Variants in THSD4 observed in about 807,000 individuals in gnomAD.
The protein encoded by THSD4 is thrombospondin type 1 domain containing 4.
Under a neutral mutation model 119.0 loss-of-function variants are expected in THSD4, and 69 were observed. That is an observed-to-expected ratio of 0.58 (90% confidence interval 0.48 to 0.71). The LOEUF is 0.71. Among genes scored for constraint, THSD4 ranks in the 30% least tolerant of loss-of-function variants. The pLI, the probability that THSD4 is intolerant of heterozygous loss-of-function variation, is 0.00. For synonymous variants in THSD4, 524 were observed against 540.4 expected, an observed-to-expected ratio of 0.97 and a Z score of 0.42; for missense variants, 1,393 against 1,391.1, an observed-to-expected ratio of 1.00 and a Z score of -0.02.
intron 3 of THSD4, among the ~76,000 whole-genome samples, chr15:71,196,659 C>T (rs2043722171): frequency 6.6e-6 from 1 of 152,066 alleles, no homozygotes; most frequent in South Asian, 2.1e-4. Context: ...ATGTGGCAAT[C>T]AAGATGGTGG....
chr15:71,288,989 A>G (rs1122853), intron 6 of THSD4, among the ~76,000 whole-genome samples: 24 of 152,292 alleles, frequency 1.6e-4, no homozygotes, highest in South Asian at 4.1e-4. Context: ...AATCAACTCT[A>G]TCTTTTAGGA....
chr15:71,355,037 AG>A (rs2045790547), intron 6 of THSD4, among the ~76,000 whole-genome samples: 1 of 152,224 alleles, frequency 6.6e-6, no homozygotes, highest in Non-Finnish European at 1.5e-5. Context: ...TTAACATGGA[AG>A]CATTACAAAT....
intron 7 of THSD4, among the ~76,000 whole-genome samples, chr15:71,425,645 C>T (rs949290165): frequency 2.0e-5 from 3 of 152,156 alleles, no homozygotes; most frequent in African/African-American, 7.2e-5. Flanking sequence ...TGTGCTGTCC[C>T]GTCAGTCTGG....
chr15:71,551,699 A>G (rs1020713269), intron 7 of THSD4, among the ~76,000 whole-genome samples: 4 of 152,092 alleles, frequency 2.6e-5, no homozygotes, highest in African/African-American at 7.2e-5. Flanking sequence ...TCCCCTAGCA[A>G]TGGGTTATGA....
chr15:71,366,816 G>T (rs979423829), intron 6 of THSD4, among the ~76,000 whole-genome samples: 1 of 152,140 alleles, frequency 6.6e-6, no homozygotes, highest in African/African-American at 2.4e-5. Context: ...ATTTCCAGGT[G>T]GGAATTAGAC....
chr15:71,098,711 T>G (rs1187575950), intron 1 of THSD4, among the ~76,000 whole-genome samples: 2 of 152,240 alleles, frequency 1.3e-5, no homozygotes, highest in Non-Finnish European at 2.9e-5. Flanking sequence ...ACACCTGGAC[T>G]GATATATAAT....
intron 3 of THSD4, among the ~76,000 whole-genome samples, chr15:71,159,136 A>G (rs553537140): frequency 6.6e-6 from 1 of 151,972 alleles, no homozygotes; most frequent in African/African-American, 2.4e-5. Context: ...TGATGTTTGA[A>G]TTTATTTCTG....
intron 1 of THSD4, among the ~76,000 whole-genome samples, chr15:71,098,365 T>A (rs1202962423): frequency 6.6e-6 from 1 of 151,506 alleles, no homozygotes; most frequent in South Asian, 2.1e-4. Flanking sequence ...CCCAGCTAGG[T>A]TTTTTGTATT....
At chr15:71,198,349 G>A (rs2043737974) in intron 3 of THSD4, among the ~76,000 whole-genome samples, 1 of 152,258 alleles carries the variant, frequency 6.6e-6, no homozygotes, top group African/African-American at 2.4e-5. Flanking sequence ...TGTGGTTCCT[G>A]AGGCTGGCAC....
chr15:71,656,379 A>G (rs1227755683), intron 7 of THSD4, among the ~76,000 whole-genome samples: 1 of 152,234 alleles, frequency 6.6e-6, no homozygotes, highest in Non-Finnish European at 1.5e-5. Context: ...TTCAAAATAA[A>G]ACATTATAAC....
At chr15:71,422,473 T>C (rs1418209654) in intron 7 of THSD4, among the ~76,000 whole-genome samples, 1 of 152,180 alleles carries the variant, frequency 6.6e-6, no homozygotes, top group Non-Finnish European at 1.5e-5. Flanking sequence ...TTAATATAAG[T>C]TCCAGAAGGA....
At chr15:71,631,387 C>T (rs1292562793) in intron 7 of THSD4, among the ~76,000 whole-genome samples, 7 of 152,180 alleles carry the variant, frequency 4.6e-5, no homozygotes, top group Non-Finnish European at 8.8e-5. Context: ...ATTTCATTAA[C>T]AAGAGGGTGA....
intron 7 of THSD4, among the ~76,000 whole-genome samples, chr15:71,479,386 CT>C (rs947144727): frequency 6.6e-6 from 1 of 152,102 alleles, no homozygotes; most frequent in Non-Finnish European, 1.5e-5. Flanking sequence ...TTCTCTTTCT[CT>C]GACACTAGTG....
chr15:71,336,789 G>A (rs2045494447), intron 6 of THSD4, among the ~76,000 whole-genome samples: 1 of 152,170 alleles, frequency 6.6e-6, no homozygotes, highest in Non-Finnish European at 1.5e-5. Context: ...TAATTTTTCT[G>A]TAAGAAGTAG....
At chr15:71,491,790 G>A (rs1429535410) in intron 7 of THSD4, among the ~76,000 whole-genome samples, 1 of 152,130 alleles carries the variant, frequency 6.6e-6, no homozygotes, top group Non-Finnish European at 1.5e-5. Context: ...GATTGCTTAG[G>A]CCTGGGAGGT....
intron 8 of THSD4, among the ~76,000 whole-genome samples, chr15:71,677,818 G>A (rs958690769): frequency 6.6e-6 from 1 of 152,110 alleles, no homozygotes; most frequent in African/African-American, 2.4e-5. Flanking sequence ...GCTTTTAATT[G>A]TATCGTCTGT....
At chr15:71,482,329 T>G (rs545148246) in intron 7 of THSD4, among the ~76,000 whole-genome samples, 1 of 149,466 alleles carries the variant, frequency 6.7e-6, no homozygotes, top group South Asian at 2.1e-4. Context: ...CTTGCTCTGT[T>G]GCCCAGGCTG....
chr15:71,112,642 G>C (rs2040314836), upstream of THSD4, among the ~76,000 whole-genome samples: 1 of 152,178 alleles, frequency 6.6e-6, no homozygotes, highest in African/African-American at 2.4e-5. Context: ...CAGGCCCCCA[G>C]CCTAGGTAAG....
At chr15:71,291,866 C>T (rs2044796448) in intron 6 of THSD4, among the ~76,000 whole-genome samples, 1 of 152,140 alleles carries the variant, frequency 6.6e-6, no homozygotes, top group Admixed American at 6.5e-5. Context: ...GTCTTCCACC[C>T]TCCTACTCCA....
Sources: allele counts gnomAD v4.1 joint callset (sites outside exome capture counted in the v4.1 genomes callset), GRCh38; gene constraint gnomAD v4.1.1; transcripts MANE v1.5; gene names NCBI Gene and HGNC (gene_info 2026-07-23, HGNC 2026-07-21).